Variants in HDAC4 observed in about 807,000 individuals in gnomAD.
HDAC4 encodes the protein histone deacetylase 4.
A neutral mutation model predicts 135.1 loss-of-function variants in HDAC4; 16 were observed. The ratio of observed to expected loss-of-function variants is 0.12; its 90% CI spans 0.08 to 0.18. HDAC4 has a LOEUF of 0.18. Among genes scored for constraint, HDAC4 ranks in the 10% least tolerant of loss-of-function variants. The pLI is 1.00. For missense variants in HDAC4, 1,143 were observed against 1,511.8 expected (o/e 0.76, Z 4.05); for synonymous variants, 685 against 653.4 (o/e 1.05, Z -0.74).
At chr2:239,191,665 C>G (rs890635492) in intron 3 of HDAC4, among the ~76,000 whole-genome samples, 4 of 152,226 alleles carry the variant, frequency 2.6e-5, no homozygotes, top group Non-Finnish European at 5.9e-5. Context: ...ACCTGAGCTC[C>G]TGGTGCCCAG....
intron 5 of HDAC4, among the ~76,000 whole-genome samples, chr2:239,172,896 A>G (rs1337424791): frequency 1.3e-5 from 2 of 152,196 alleles, no homozygotes; most frequent in Non-Finnish European, 2.9e-5. Flanking sequence ...TAAGTCAAAA[A>G]TACAAAAATG....
At chr2:239,092,597 T>C (rs2036620422) in intron 17 of HDAC4, among the ~76,000 whole-genome samples, 1 of 151,936 alleles carries the variant, frequency 6.6e-6, no homozygotes, top group Non-Finnish European at 1.5e-5. Context: ...GCTTCTGGAG[T>C]CTTGCACAGA....
chr2:239,314,685 A>C (rs1439448065), intron 2 of HDAC4, among the ~76,000 whole-genome samples: 1 of 152,276 alleles, frequency 6.6e-6, no homozygotes, highest in Non-Finnish European at 1.5e-5. Context: ...ATTAGTGAAC[A>C]GTAAAATAGC....
At chr2:239,311,657 C>T (rs1409289459) in intron 2 of HDAC4, among the ~76,000 whole-genome samples, 2 of 152,176 alleles carry the variant, frequency 1.3e-5, no homozygotes, top group African/African-American at 2.4e-5. Flanking sequence ...CAAAACCACA[C>T]ACAGGGGACT....
chr2:239,241,172 C>T (rs967430842), intron 2 of HDAC4, among the ~76,000 whole-genome samples: 1 of 152,064 alleles, frequency 6.6e-6, no homozygotes, highest in African/African-American at 2.4e-5. Flanking sequence ...CCAAGGGTTT[C>T]ACATCACAAT....
At chr2:239,054,973 C>CT in intron 24 of HDAC4, 140 bp from the exon 25 acceptor site, 1 of 688,700 alleles carries the variant, frequency 1.5e-6, no homozygotes, top group Non-Finnish European at 2.6e-6. Flanking sequence ...AAAAAAATAA[C>CT]TTTAAAAAGC....
At position 239,339,217 on chromosome 2, in the gene HDAC4, T is replaced by C. The variant is rs367870100; in HGVS notation, c.22+13461A>G. ...CCTTCTGTCATAAGAGGGTCTGGGG[T>C]TGCCTGTAAACACAGGGCTGCCCCA... is the stretch of plus-strand genomic sequence containing the variant. On this transcript the variant is annotated intron_variant, in intron 2 of 26. Transcript: ENST00000543185. Among the ~76,000 whole-genome samples, 21 of 152,308 alleles carry C rather than the reference T, an allele frequency of 1.4e-4. No homozygotes were observed. The East Asian group carries it at 4.1e-3, about 29-fold the overall frequency.
intron 3 of HDAC4, among the ~76,000 whole-genome samples, chr2:239,226,618 T>G (rs771741579): frequency 6.6e-6 from 1 of 151,684 alleles, no homozygotes; most frequent in African/African-American, 2.4e-5. Context: ...CAGTAAGCTC[T>G]TCAGAAATCT....
intron 2 of HDAC4, among the ~76,000 whole-genome samples, chr2:239,297,688 T>C (rs545548594): frequency 1.3e-5 from 2 of 152,320 alleles, no homozygotes; most frequent in East Asian, 3.9e-4. Flanking sequence ...GCCTCGGGAT[T>C]GCACCACGCT....
At chr2:239,112,344 A>G (rs909701747) in intron 13 of HDAC4, among the ~76,000 whole-genome samples, 1 of 152,216 alleles carries the variant, frequency 6.6e-6, no homozygotes, top group African/African-American at 2.4e-5. Flanking sequence ...TGGGCGAGAA[A>G]GCACCATCGG....
intron 1 of HDAC4, among the ~76,000 whole-genome samples, chr2:239,385,411 G>T (rs1283466095): frequency 6.6e-6 from 1 of 152,246 alleles, no homozygotes; most frequent in Non-Finnish European, 1.5e-5. Context: ...CCTGGCCCAC[G>T]ACTCTGCCCA....
chr2:239,357,587 G>A (rs936600476), intron 1 of HDAC4, among the ~76,000 whole-genome samples: 18 of 151,738 alleles, frequency 1.2e-4, no homozygotes, highest in African/African-American at 3.9e-4. Context: ...TAACAATATC[G>A]AGAATGAGAG....
chr2:239,316,384 G>A (rs2053116190), intron 2 of HDAC4, among the ~76,000 whole-genome samples: 1 of 152,144 alleles, frequency 6.6e-6, no homozygotes, highest in South Asian at 2.1e-4. Context: ...AAGATCACTT[G>A]AGCCCAGGAG....
chr2:239,105,865 G>A (rs1489375211), intron 15 of HDAC4, among the ~76,000 whole-genome samples: 1 of 152,172 alleles, frequency 6.6e-6, no homozygotes, highest in African/African-American at 2.4e-5. Context: ...GGCTGGCACT[G>A]GAAGTCTGGT....
chr2:239,117,315 G>A (rs2039225720), intron 12 of HDAC4, among the ~76,000 whole-genome samples: 1 of 152,320 alleles, frequency 6.6e-6, no homozygotes, highest in South Asian at 2.1e-4. Context: ...GAGGTTGAAA[G>A]GGTGAGGCCA....
At chr2:239,357,615 G>A (rs1421095179) in intron 1 of HDAC4, among the ~76,000 whole-genome samples, 1 of 151,876 alleles carries the variant, frequency 6.6e-6, no homozygotes, top group African/African-American at 2.4e-5. Context: ...CAGGTGTGGT[G>A]GCTCACACCT....
intron 3 of HDAC4, among the ~76,000 whole-genome samples, chr2:239,214,955 C>A (rs1176643178): frequency 6.6e-6 from 1 of 152,136 alleles, no homozygotes; most frequent in Non-Finnish European, 1.5e-5. Flanking sequence ...AGATCAGGAG[C>A]CTGCTTTCAA....
intron 3 of HDAC4, among the ~76,000 whole-genome samples, chr2:239,192,036 G>T (rs2044999999): frequency 6.6e-6 from 1 of 152,198 alleles, no homozygotes; most frequent in Non-Finnish European, 1.5e-5. Flanking sequence ...CTTTTAAAAT[G>T]CATGTATTTA....
At position 239,189,905 on chromosome 2, in the gene HDAC4, G is replaced by C; in HGVS notation, c.267C>G (p.Leu89=). 1 of 1,611,278 alleles carries C rather than the reference G, an allele frequency of 6.2e-7. No individual in the cohort carries two copies. Among genetic ancestry groups the C allele is most frequent in the Non-Finnish European group, 8.5e-7 (1 of 1,179,908 alleles). ...KQKQQIQRQI[L]IAEFQRQHEQ... ...CGTGCTGCCTCTGGAACTCAGCGAT[G>C]AGGATCTGCCTCTGGATCTGCTGCT... The change falls in exon 4 of 27, where the codon CTC becomes CTG. Residue 89 remains leucine, a synonymous_variant. Transcript: ENST00000543185.
Sources: gnomAD v4.1 joint callset for allele counts (sites outside exome capture counted in the v4.1 genomes callset) on GRCh38, gnomAD v4.1.1 for gene constraint, MANE v1.5 for transcripts, NCBI Gene and HGNC (gene_info 2026-07-23, HGNC 2026-07-21) for gene names.